ZMAT3: variants seen among roughly 807,000 people sequenced by gnomAD.
The protein encoded by ZMAT3 is zinc finger matrin-type 3.
A neutral mutation model predicts 32.3 loss-of-function variants in ZMAT3; 17 were observed. The ratio of observed to expected loss-of-function variants is 0.53; its 90% CI spans 0.36 to 0.79. The LOEUF (loss-of-function observed/expected upper bound fraction) is 0.79, where lower values mean the gene tolerates loss of function less well. ZMAT3 is among the 30% of genes least tolerant of loss of function. ZMAT3 has a pLI of 0.00. For missense variants in ZMAT3, 329 were observed against 359.7 expected, an observed-to-expected ratio of 0.91 and a Z score of 0.69; for synonymous variants, 120 against 133.1, an observed-to-expected ratio of 0.90 and a Z score of 0.68.
chr3:179,043,724 G>A (rs142083669), intron 2 of ZMAT3, among the ~76,000 whole-genome samples: 29 of 152,122 alleles, frequency 1.9e-4, no homozygotes, highest in African/African-American at 7.0e-4. Flanking sequence ...TAGACAAATG[G>A]GACCTAATTA....
chr3:179,069,442 C>T (rs1026779842), intron 1 of ZMAT3, among the ~76,000 whole-genome samples: 5 of 152,094 alleles, frequency 3.3e-5, no homozygotes, highest in Non-Finnish European at 5.9e-5. Flanking sequence ...ATCCTTATTT[C>T]AAAATCCACA....
rs1718484025 is a variant in ZMAT3 at position 179,020,368 on chromosome 3, ACAGCTATTTGTCCATT to A, written c.*4633_*4648del. The A allele has an allele frequency of 6.6e-6, 1 of 152,220 alleles. No homozygotes were observed. Among genetic ancestry groups the A allele is most frequent in the Non-Finnish European group, 1.5e-5 (1 of 68,032 alleles). The allele number at this position is 152,220 out of a possible 1,614,324, so 9.4% of individuals were successfully genotyped here. ...AAGCGTTTTATGAGAAGCTATTTAC[ACAGCTATTTGTCCATT>A]CAGCCAGAGTGACAGTAACTGCTCA... is the stretch of plus-strand genomic sequence containing the variant. On this transcript the variant is annotated 3_prime_UTR_variant, in exon 6 of 6. Transcript: ENST00000311417.
intron 2 of ZMAT3, among the ~76,000 whole-genome samples, chr3:179,042,042 T>C (rs928214964): frequency 2.0e-5 from 3 of 152,198 alleles, no homozygotes; most frequent in Non-Finnish European, 2.9e-5. Flanking sequence ...CAGGAAGAAG[T>C]TGAATCTCTG....
In ZMAT3 at chr3:179,022,142, G is replaced by A. The variant is rs1334280820; in HGVS notation, c.*2875C>T. The A allele has an allele frequency of 6.6e-6, 1 of 152,122 alleles. No individual in the cohort carries two copies. Among genetic ancestry groups the A allele is most frequent in the African/African-American group, 2.4e-5 (1 of 41,416 alleles). The allele number at this position is 152,122 out of a possible 1,614,324, so 9.4% of individuals were successfully genotyped here. A position where few individuals can be genotyped will look rare whatever the true frequency, so the allele number is the denominator to read the frequency against. ...AACTTCTTTCTTTAAAAGAAAATGT[G>A]CTTATGCATTCATAACATCCATTAA... On this transcript the variant is annotated 3_prime_UTR_variant, in exon 6 of 6. Transcript: ENST00000311417.
Position 179,025,033 on chromosome 3 carries a change from T to C in ZMAT3, c.854A>G (p.Asn285Ser). The C allele has an allele frequency of 6.2e-7, 1 of 1,614,202 alleles. No homozygotes were observed. The highest frequency in any genetic ancestry group is 8.5e-7 in the Non-Finnish European group (1 of 1,180,020). ...SEQRYRNEME[N>S]LGYV ...TGATAATCACTATACATATCCCAGA[T>C]TCTCCATCTCATTCCTGTACCGCTG... Residue 285 changes from asparagine (N) to serine (S), a missense_variant, in exon 6 of 6, where the codon AAT becomes AGT. Asn to Ser is a conservative substitution (Grantham distance 46). Coordinates refer to ENST00000311417, the MANE Select transcript of ZMAT3 (RefSeq NM_022470.4).
intron 2 of ZMAT3, among the ~76,000 whole-genome samples, chr3:179,062,542 T>C (rs1721202111): frequency 6.6e-6 from 1 of 152,102 alleles, no homozygotes; most frequent in African/African-American, 2.4e-5. Context: ...GGCAAAAAAC[T>C]GGCAGGATCA....
chr3:179,042,799 T>G (rs1327426570), intron 2 of ZMAT3, among the ~76,000 whole-genome samples: 1 of 152,214 alleles, frequency 6.6e-6, no homozygotes, highest in Admixed American at 6.5e-5. Flanking sequence ...TGCTTGCAGA[T>G]GACATGATTG....
chr3:179,034,220 A>T (rs1436915378), intron 2 of ZMAT3, among the ~76,000 whole-genome samples: 3 of 152,208 alleles, frequency 2.0e-5, no homozygotes, highest in Non-Finnish European at 4.4e-5. Flanking sequence ...AGAGGAGGAG[A>T]CAGATACCTA....
At chr3:179,044,622 C>T (rs556896376) in intron 2 of ZMAT3, among the ~76,000 whole-genome samples, 10 of 151,808 alleles carry the variant, frequency 6.6e-5, no homozygotes, top group Admixed American at 2.0e-4. Context: ...CCCGCCTGGA[C>T]GACAGAGCAA....
intron 2 of ZMAT3, among the ~76,000 whole-genome samples, chr3:179,044,377 G>A (rs1219052654): frequency 6.6e-5 from 10 of 152,224 alleles, no homozygotes; most frequent in African/African-American, 1.9e-4. Flanking sequence ...GGGCACGGTG[G>A]CTCACGCCTG....
chr3:179,030,972 T>A lies in ZMAT3; in HGVS notation c.298A>T (p.Asn100Tyr). ...QGKNHGKKLR[N>Y]YYAANSCPPP... ...GGACAGCTATTTGCTGCATAGTAAT[T>A]TCGGAGTTTCTTACCATGATTTTTA... The change falls in exon 3 of 6, where the codon AAT becomes TAT. Residue 100 changes from asparagine (N) to tyrosine (Y), a missense_variant. By Grantham distance (143) the Asn-to-Tyr change is moderately radical. Coordinates refer to ENST00000311417, the MANE Select transcript of ZMAT3 (RefSeq NM_022470.4). The A allele has an allele frequency of 6.2e-7, 1 of 1,613,372 alleles. No homozygotes were observed. Among genetic ancestry groups the A allele is most frequent in the South Asian group, 1.1e-5 (1 of 90,864 alleles).
intron 1 of ZMAT3, among the ~76,000 whole-genome samples, chr3:179,070,970 C>G (rs971569141): frequency 1.7e-4 from 26 of 152,060 alleles, no homozygotes; most frequent in African/African-American, 6.3e-4. Context: ...AGGAGCACCT[C>G]AGCAAACTAG....
At chr3:179,032,705 G>A (rs1198883525) in intron 2 of ZMAT3, among the ~76,000 whole-genome samples, 3 of 151,360 alleles carry the variant, frequency 2.0e-5, no homozygotes, top group Middle Eastern at 3.4e-3. Flanking sequence ...CCCCATCTGG[G>A]AGGTGAGGAG....
Position 179,051,963 on chromosome 3 carries a change from T to C in ZMAT3, c.270+15520A>G, listed in dbSNP as rs548448269. Among the ~76,000 whole-genome samples the C allele has an allele frequency of 7.0e-4, 106 of 152,274 alleles. 1 individual carries two copies. Among genetic ancestry groups the C allele is most frequent in the Middle Eastern group, 3.4e-3 (1 of 294 alleles). On this transcript the variant is annotated intron_variant, in intron 2 of 5. Transcript: ENST00000311417. ...TATTGAACAAATGGTGCTGAGATAA[T>C]TGGCAAGTCGCACGTAGAATAACGA... is the stretch of plus-strand genomic sequence containing the variant.
Position 179,018,239 on chromosome 3 carries a change from CATTT to C in ZMAT3, c.*6774_*6777del, listed in dbSNP as rs2108524323. ...ACAAATAATAATAAATGATATAGAA[CATTT>C]ATTATTTTCACTAGTGAGGGGGTCA... On this transcript the variant is annotated 3_prime_UTR_variant, in exon 6 of 6. Coordinates refer to ENST00000311417, the MANE Select transcript of ZMAT3 (RefSeq NM_022470.4). 6.6e-6 allele frequency: 1 copy of C among 151,996 alleles called. No individual in the cohort carries two copies. The highest frequency in any genetic ancestry group is 1.9e-4 in the East Asian group (1 of 5,170). The allele number at this position is 151,996 out of a possible 1,614,324, so 9.4% of individuals were successfully genotyped here. A position where few individuals can be genotyped will look rare whatever the true frequency, so the allele number is the denominator to read the frequency against.
At chr3:179,054,700 G>C (rs58825377) in intron 2 of ZMAT3, among the ~76,000 whole-genome samples, 93,048 of 152,030 alleles carry the variant, frequency 0.61, 28,645 homozygotes, top group East Asian at 0.8. Context: ...GCTAAGGCTG[G>C]AGCAGAGCTT....
chr3:179,063,920 A>T (rs1721273309), intron 2 of ZMAT3, among the ~76,000 whole-genome samples: 1 of 152,258 alleles, frequency 6.6e-6, no homozygotes, highest in African/African-American at 2.4e-5. Flanking sequence ...AATAAAACTA[A>T]ATCTGTGATG....
At chr3:179,062,767 C>T (rs943834275) in intron 2 of ZMAT3, among the ~76,000 whole-genome samples, 2 of 152,160 alleles carry the variant, frequency 1.3e-5, no homozygotes, top group Non-Finnish European at 2.9e-5. Context: ...TCATGAGAAT[C>T]TTTTAAGGTA....
intron 2 of ZMAT3, among the ~76,000 whole-genome samples, chr3:179,057,064 T>C (rs1181253751): frequency 1.3e-5 from 2 of 152,178 alleles, no homozygotes; most frequent in East Asian, 3.9e-4. Context: ...TTCCGCGTCC[T>C]TTCCCTACCA....
Sources: gnomAD v4.1 joint callset for allele counts (sites outside exome capture counted in the v4.1 genomes callset) on GRCh38, gnomAD v4.1.1 for gene constraint, MANE v1.5 for transcripts, NCBI Gene and HGNC (gene_info 2026-07-23, HGNC 2026-07-21) for gene names.